The following CSNK1A1 variants were observed in gnomAD, a reference collection of about 807,000 sequenced individuals.
CSNK1A1 encodes casein kinase I isoform alpha.
Under a neutral mutation model 46.1 loss-of-function variants are expected in CSNK1A1, and 7 were observed. That is an observed-to-expected ratio of 0.15 (90% CI 0.09 to 0.29). CSNK1A1 has a LOEUF of 0.29. Ranked by LOEUF, CSNK1A1 falls within the 10% of genes least tolerant of loss-of-function variation. CSNK1A1 has a pLI of 1.00. For synonymous variants in CSNK1A1, 137 were observed against 141.5 expected (o/e 0.97, Z 0.23); for missense variants, 96 against 417.1 (o/e 0.23, Z 6.71).
At chr5:149,510,513 G>A (rs763198696) in intron 6 of CSNK1A1, among the ~76,000 whole-genome samples, 2 of 148,768 alleles carry the variant, frequency 1.3e-5, no homozygotes, top group Non-Finnish European at 1.5e-5. Context: ...GGTCTCCCTC[G>A]GTTGCCCAGG....
chr5:149,497,304 T>C (rs1760684308), intron 9 of CSNK1A1: 1 of 989,864 alleles, frequency 1.0e-6, no homozygotes, highest in Non-Finnish European at 1.2e-6. Flanking sequence ...TAATAATAAA[T>C]GCATTCAAAG....
Position 149,497,720 on chromosome 5 carries a change from C to A in CSNK1A1, c.1007-860G>T, listed in dbSNP as rs1037951994. The A allele has an allele frequency of 7.8e-5, 77 of 985,540 alleles. 1 individual carries two copies. The Middle Eastern group carries it at 2.1e-3, about 27-fold the overall frequency. The allele number at this position is 985,540 out of a possible 1,614,324, so 61.0% of individuals were successfully genotyped here. A position where few individuals can be genotyped will look rare whatever the true frequency, so the allele number is the denominator to read the frequency against. On this transcript the variant is annotated intron_variant, in intron 9 of 9. Coordinates refer to ENST00000377843, the MANE Select transcript of CSNK1A1 (RefSeq NM_001892.6). Reference sequence around the variant, plus strand: ...TGAGGCACCAATGCTCCTTTGTCTACCTCCTTACAAATGAGCTAGAAACTA... The same window carrying A: ...TGAGGCACCAATGCTCCTTTGTCTAACTCCTTACAAATGAGCTAGAAACTA...
chr5:149,543,334 T>C (rs2113190433), intron 2 of CSNK1A1, among the ~76,000 whole-genome samples: 1 of 152,336 alleles, frequency 6.6e-6, no homozygotes, highest in East Asian at 1.9e-4. Flanking sequence ...TAGGGCTATA[T>C]ACATCTCTAA....
At chr5:149,521,311 C>T (rs1452717098) in intron 3 of CSNK1A1, among the ~76,000 whole-genome samples, 4 of 148,762 alleles carry the variant, frequency 2.7e-5, no homozygotes, top group African/African-American at 7.5e-5. Flanking sequence ...TCACTGTCAC[C>T]TAGGCTGAAG....
chr5:149,497,394 C>T (rs1190875573), intron 9 of CSNK1A1: 25 of 985,638 alleles, frequency 2.5e-5, no homozygotes, highest in Middle Eastern at 5.2e-4. Flanking sequence ...ACCTTTAAAA[C>T]TTCTTTACCG....
At chr5:149,499,452 C>T (rs1760755027) in intron 9 of CSNK1A1, among the ~76,000 whole-genome samples, 1 of 152,082 alleles carries the variant, frequency 6.6e-6, no homozygotes, top group Non-Finnish European at 1.5e-5. Context: ...GCCCGCCACC[C>T]AATCTGAAAT....
chr5:149,503,643 C>T (rs1210700722), intron 9 of CSNK1A1: 8 of 985,220 alleles, frequency 8.1e-6, no homozygotes, highest in African/African-American at 3.5e-5. Flanking sequence ...AGTTTAATTA[C>T]AGTTCTTTCC....
intron 8 of CSNK1A1, among the ~76,000 whole-genome samples, chr5:149,505,885 C>T (rs1014353178): frequency 5.9e-5 from 9 of 151,880 alleles, no homozygotes; most frequent in Admixed American, 6.6e-5. Flanking sequence ...CTGACTGGTA[C>T]CTGGGGAAGA....
At chr5:149,507,428 A>C (rs1447710715) in intron 7 of CSNK1A1, among the ~76,000 whole-genome samples, 1 of 151,264 alleles carries the variant, frequency 6.6e-6, no homozygotes, top group Non-Finnish European at 1.5e-5. Flanking sequence ...ACTTGTTAAA[A>C]CCTGTCATTT....
At chr5:149,497,843 C>CA (rs1760701724) in intron 9 of CSNK1A1, 7 of 971,650 alleles carry the variant, frequency 7.2e-6, no homozygotes, top group Non-Finnish European at 8.6e-6. Context: ...GTTCTTTTTT[C>CA]TTTTTTTTTG....
intron 3 of CSNK1A1, among the ~76,000 whole-genome samples, 191 bp from the exon 4 acceptor site, chr5:149,520,579 C>T (rs1561760417): frequency 6.6e-6 from 1 of 152,166 alleles, no homozygotes; most frequent in African/African-American, 2.4e-5. Context: ...CCTGCTGTGT[C>T]CTTTGGCTTT....
chr5:149,543,344 A>T (rs1051694287), intron 2 of CSNK1A1, among the ~76,000 whole-genome samples: 3 of 152,172 alleles, frequency 2.0e-5, no homozygotes, highest in Non-Finnish European at 4.4e-5. Context: ...TACATCTCTA[A>T]CATTTTGTCC....
intron 2 of CSNK1A1, among the ~76,000 whole-genome samples, chr5:149,542,689 TATA>T (rs1561772879): frequency 0.042 from 970 of 23,068 alleles, 162 homozygotes; most frequent in African/African-American, 0.054. Context: ...TATATATATA[TATA>T]TTTTTTTTTT....
Position 149,550,199 on chromosome 5 carries a change from G to A in CSNK1A1, c.124-18C>T. ...GCCACTTCCTGCAGGGGAAAGAGGG[G>A]ATGATGGCATCAACATCCCTACGGA... On this transcript the variant is annotated intron_variant, in intron 1 of 9. Coordinates refer to ENST00000377843, the MANE Select transcript of CSNK1A1 (RefSeq NM_001892.6). The surrounding 1 kb of genome is among the most constrained non-coding windows in gnomAD (Gnocchi z 4.3). 1 of 1,611,778 alleles carries A rather than the reference G, an allele frequency of 6.2e-7. No individual in the cohort carries two copies. Among genetic ancestry groups the A allele is most frequent in the South Asian group, 1.1e-5 (1 of 90,932 alleles).
At chr5:149,543,652 T>C (rs1243274711) in intron 2 of CSNK1A1, among the ~76,000 whole-genome samples, 1 of 152,026 alleles carries the variant, frequency 6.6e-6, no homozygotes, top group Admixed American at 6.6e-5. Flanking sequence ...AAGTGAAGAG[T>C]AAGGATTAAC....
chr5:149,539,611 T>G (rs927047781), intron 2 of CSNK1A1, among the ~76,000 whole-genome samples: 1 of 152,080 alleles, frequency 6.6e-6, no homozygotes, highest in African/African-American at 2.4e-5. Flanking sequence ...TTAATAACAA[T>G]TATTAATTGT....
At chr5:149,496,911 T>C (rs1760671311) in intron 9 of CSNK1A1, 51 bp from the exon 10 acceptor site, 10 of 1,527,160 alleles carry the variant, frequency 6.5e-6, no homozygotes, top group South Asian at 2.5e-5. Flanking sequence ...GTCAAAAATT[T>C]TAAATTACAC....
chr5:149,516,132 CA>C (rs1273000825), intron 4 of CSNK1A1, among the ~76,000 whole-genome samples: 3 of 152,058 alleles, frequency 2.0e-5, no homozygotes. Flanking sequence ...CCAGTCTGGC[CA>C]ACATGGTAAA....
At chr5:149,524,561 TG>T (rs1414936561) in intron 3 of CSNK1A1, among the ~76,000 whole-genome samples, 1 of 152,184 alleles carries the variant, frequency 6.6e-6, no homozygotes, top group Non-Finnish European at 1.5e-5. Context: ...GTAACACAAA[TG>T]GTTGAGAATC....
Sources: allele counts gnomAD v4.1 joint callset (sites outside exome capture counted in the v4.1 genomes callset), GRCh38; gene constraint gnomAD v4.1.1; non-coding constraint Gnocchi (gnomAD v3.1); transcripts MANE v1.5; gene names NCBI Gene and HGNC (gene_info 2026-07-23, HGNC 2026-07-21).